The following IL1R1 variants were observed in gnomAD, a reference collection of about 807,000 sequenced individuals.
IL1R1 encodes interleukin-1 receptor type 1.
In IL1R1, 22 loss-of-function variants were observed where a neutral mutation model predicts 50.2. The observed-to-expected ratio is 0.44, with a 90% CI of 0.31 to 0.63. The LOEUF is 0.63. Ranked by LOEUF, IL1R1 falls within the 20% of genes least tolerant of loss-of-function variation. IL1R1 has a pLI of 0.07. For synonymous variants in IL1R1, 251 were observed against 236.7 expected (o/e 1.06, Z -0.55); for missense variants, 509 against 676.2 (o/e 0.75, Z 2.74).
intron 3 of IL1R1, among the ~76,000 whole-genome samples, chr2:102,161,730 C>G (rs1448382180): frequency 3.3e-5 from 5 of 152,012 alleles, no homozygotes; most frequent in Non-Finnish European, 1.5e-5. Context: ...ACAAAAGTCT[C>G]TCTGTGTCAC....
At chr2:102,096,217 G>A (rs1679898014) in intron 1 of IL1R1, among the ~76,000 whole-genome samples, 1 of 152,090 alleles carries the variant, frequency 6.6e-6, no homozygotes, top group Admixed American at 6.5e-5. Flanking sequence ...TATGAAAAAT[G>A]TTTCTCTGAG....
At chr2:102,072,623 C>G (rs1284022798) in intron 1 of IL1R1, among the ~76,000 whole-genome samples, 3 of 151,868 alleles carry the variant, frequency 2.0e-5, no homozygotes, top group Non-Finnish European at 4.4e-5. Context: ...CTTTTTTCTT[C>G]TGTGGACTGT....
chr2:102,128,626 A>T (rs1681857643), intron 1 of IL1R1, among the ~76,000 whole-genome samples: 1 of 152,198 alleles, frequency 6.6e-6, no homozygotes, highest in Non-Finnish European at 1.5e-5. Flanking sequence ...TAGAGCTGGG[A>T]TACATTTGGG....
intron 1 of IL1R1, among the ~76,000 whole-genome samples, chr2:102,082,206 CCTTTAATTTAGAT>C (rs1255965022): frequency 6.6e-6 from 1 of 151,720 alleles, no homozygotes; most frequent in East Asian, 1.9e-4. Context: ...CTTAATTAAT[CCTTTAATTTAGAT>C]TAAATTAAAG....
intron 1 of IL1R1, among the ~76,000 whole-genome samples, chr2:102,082,632 A>ACAAAC (rs1679262835): frequency 6.6e-6 from 1 of 152,146 alleles, no homozygotes; most frequent in Non-Finnish European, 1.5e-5. Context: ...ATCAAACAAA[A>ACAAAC]CAAAACAGAA....
chr2:102,091,917 T>G (rs1553623361), intron 1 of IL1R1, among the ~76,000 whole-genome samples: 1 of 152,230 alleles, frequency 6.6e-6, no homozygotes, highest in Non-Finnish European at 1.5e-5. Context: ...CTTAATGTAA[T>G]GACTTCCAGT....
intron 1 of IL1R1, among the ~76,000 whole-genome samples, chr2:102,125,073 A>G (rs1357185595): frequency 6.6e-6 from 1 of 152,214 alleles, no homozygotes; most frequent in Non-Finnish European, 1.5e-5. Flanking sequence ...ACACAGAGCC[A>G]AACCATATCC....
Position 102,164,739 on chromosome 2 carries a change from T to C in IL1R1, c.62-35T>C. ...AAATCAAGACACACTGGCAGATTTT[T>C]ATGTAAATTGCTTCCACCCTTCTTC... On this transcript the variant is annotated intron_variant, in intron 3 of 11. Transcript: ENST00000410023. 4 of 1,448,552 alleles carry C rather than the reference T, an allele frequency of 2.8e-6. No homozygotes were observed. In the South Asian group the frequency reaches 4.7e-5, roughly 17 times the overall value. The allele number at this position is 1,448,552 out of a possible 1,614,324, so 89.7% of individuals were successfully genotyped here.
chr2:102,154,779 C>G (rs1314861807), intron 2 of IL1R1, among the ~76,000 whole-genome samples: 2 of 152,246 alleles, frequency 1.3e-5, no homozygotes, highest in African/African-American at 2.4e-5. Flanking sequence ...TGCTTCTCTG[C>G]CACCTGCAAA....
intron 1 of IL1R1, among the ~76,000 whole-genome samples, chr2:102,084,190 C>A (rs1427459284): frequency 1.3e-5 from 2 of 152,162 alleles, no homozygotes; most frequent in Non-Finnish European, 2.9e-5. Context: ...CCAAAAAATC[C>A]AGTAAAATGA....
rs145882386 is a variant in IL1R1, at chr2:102,108,855, G to A, written c.-84+3983G>A. On this transcript the variant is annotated intron_variant, in intron 1 of 10. Coordinates refer to the IL1R1 transcript ENST00000409329. ...CATGAATATCAAAAACTTTAAGGAG[G>A]CATCGATTTTCACTCTGACTCCCAG... Among the ~76,000 whole-genome samples the A allele has an allele frequency of 7.9e-5, 12 of 151,712 alleles. No individual in the cohort carries two copies. The East Asian group carries it at 2.1e-3, about 27-fold the overall frequency.
At chr2:102,087,899 C>T (rs773063125) in intron 1 of IL1R1, among the ~76,000 whole-genome samples, 3 of 152,230 alleles carry the variant, frequency 2.0e-5, no homozygotes, top group Non-Finnish European at 4.4e-5. Context: ...GATTCCATGT[C>T]AAGAAATCAC....
In IL1R1 at chr2:102,092,792, C is replaced by A. The variant is rs139108814; in HGVS notation, c.-84+22259C>A. ...AGAGAAGAAAGGATGGGGGTGGAGC[C>A]GTGTCCAAAGGAAGATGCTTTTCCG... On this transcript the variant is annotated intron_variant, in intron 1 of 11. Transcript: ENST00000409929. Among the ~76,000 whole-genome samples, 3 of 152,086 alleles carry A rather than the reference C, an allele frequency of 2.0e-5. No individual in the cohort carries two copies. The East Asian group carries it at 5.8e-4, about 29-fold the overall frequency.
chr2:102,127,581 A>G (rs147697002), intron 1 of IL1R1, among the ~76,000 whole-genome samples: 6 of 152,280 alleles, frequency 3.9e-5, no homozygotes, highest in African/African-American at 1.2e-4. Flanking sequence ...AGTAATATAT[A>G]TAGTAAGTCA....
intron 1 of IL1R1, among the ~76,000 whole-genome samples, chr2:102,129,256 T>TACAACAACAACAACA (rs71866133): frequency 1.3e-5 from 2 of 149,410 alleles, no homozygotes; most frequent in African/African-American, 4.9e-5. Flanking sequence ...CCCAAAAACC[T>TACAACAACAACAACA]ACAACAACAA....
rs1686341410 is a variant in IL1R1, at chr2:102,178,663, C to G, written c.*1904C>G. On this transcript the variant is annotated 3_prime_UTR_variant, in exon 12 of 12. Coordinates refer to ENST00000410023, the MANE Select transcript of IL1R1 (RefSeq NM_000877.4). ...GACCGAGTCTAGGAATGCTTTTATTCAAGACACCAAATTCCAAACTTCTAA... is the reference window on the plus strand; with the variant it reads ...GACCGAGTCTAGGAATGCTTTTATTGAAGACACCAAATTCCAAACTTCTAA... The G allele has an allele frequency of 6.6e-6, 1 of 152,376 alleles. No individual in the cohort carries two copies. Among genetic ancestry groups the G allele is most frequent in the African/African-American group, 2.4e-5 (1 of 41,540 alleles). 9.4% of individuals were successfully genotyped at this position (152,376 alleles called of 1,614,324 possible).
intron 3 of IL1R1, among the ~76,000 whole-genome samples, chr2:102,160,637 AC>A (rs1684634367): frequency 6.6e-6 from 1 of 151,756 alleles, no homozygotes; most frequent in African/African-American, 2.4e-5. Flanking sequence ...AACCAATGTT[AC>A]CCCAGCCTCA....
intron 1 of IL1R1, among the ~76,000 whole-genome samples, chr2:102,086,601 C>A (rs1679440635): frequency 1.3e-5 from 2 of 151,698 alleles, no homozygotes; most frequent in Admixed American, 1.3e-4. Flanking sequence ...GTTTATTTTT[C>A]AACAGACTTT....
intron 1 of IL1R1, among the ~76,000 whole-genome samples, chr2:102,109,318 C>T (rs1577864358): frequency 6.6e-6 from 1 of 151,790 alleles, no homozygotes; most frequent in East Asian, 1.9e-4. Flanking sequence ...ATGCACTCTT[C>T]TGGGTTCTTT....
Sources: gnomAD v4.1 joint callset for allele counts (sites outside exome capture counted in the v4.1 genomes callset) on GRCh38, gnomAD v4.1.1 for gene constraint, MANE v1.5 for transcripts, NCBI Gene and HGNC (gene_info 2026-07-23, HGNC 2026-07-21) for gene names.